Variants in TMEM116 observed in about 807,000 individuals in gnomAD.
The protein encoded by TMEM116 is transmembrane protein 116.
In TMEM116, 38 loss-of-function variants were observed where a neutral mutation model predicts 44.3. The observed-to-expected ratio is 0.86, with a 90% CI of 0.66 to 1.12. The LOEUF is 1.12. Ranked by LOEUF, TMEM116 falls within the 50% of genes most tolerant of loss-of-function variation. The pLI, the probability that TMEM116 is intolerant of heterozygous loss-of-function variation, is 0.00. For synonymous variants in TMEM116, 132 were observed against 144.8 expected (o/e 0.91, Z 0.64); for missense variants, 354 against 401.7 (o/e 0.88, Z 1.01).
intron 4 of TMEM116, among the ~76,000 whole-genome samples, chr12:111,969,244 TGG>T (rs2075176545): frequency 7.1e-6 from 1 of 141,376 alleles, no homozygotes; most frequent in Non-Finnish European, 1.5e-5. Context: ...CGTTTGAACC[TGG>T]GAGGTGGAGG....
At chr12:111,984,962 A>C (rs891184243) in intron 4 of TMEM116, among the ~76,000 whole-genome samples, 6 of 152,128 alleles carry the variant, frequency 3.9e-5, no homozygotes, top group Admixed American at 6.6e-5. Flanking sequence ...AAAACAAAAT[A>C]AAAAAACATA....
At chr12:111,971,414 A>G (rs151099103) in intron 4 of TMEM116, among the ~76,000 whole-genome samples, 1 of 152,268 alleles carries the variant, frequency 6.6e-6, no homozygotes, top group Non-Finnish European at 1.5e-5. Context: ...TTCTTATCCT[A>G]TATGTGAAGT....
intron 4 of TMEM116, among the ~76,000 whole-genome samples, chr12:111,958,429 C>T (rs951789689): frequency 6.6e-6 from 1 of 151,510 alleles, no homozygotes; most frequent in Non-Finnish European, 1.5e-5. Context: ...AAAACCAAAA[C>T]ACCTCTTCTC....
At position 111,933,813 on chromosome 12, in the gene TMEM116, T is replaced by C. The variant is rs1212038752; in HGVS notation, c.733+73A>G. ...GCCCGACCTCAGCCATCCTTCTTAG[T>C]GAGACCACTTTGCTTGATCAGAACC... On this transcript the variant is annotated intron_variant, in intron 9 of 10. Coordinates refer to ENST00000552374, the MANE Select transcript of TMEM116 (RefSeq NM_001193531.2). The C allele has an allele frequency of 3.8e-6, 6 of 1,580,710 alleles. No individual in the cohort carries two copies. The African/African-American group carries it at 8.1e-5, about 21-fold the overall frequency.
chr12:111,951,886 C>A (rs1021277479), intron 4 of TMEM116, among the ~76,000 whole-genome samples: 1 of 152,040 alleles, frequency 6.6e-6, no homozygotes, highest in Non-Finnish European at 1.5e-5. Context: ...CATCCCAATA[C>A]AACTTTTTGT....
In TMEM116 at chr12:111,946,605, C is replaced by T. The variant is rs150479100; in HGVS notation, c.211-3236G>A. 6.0e-3 allele frequency among the ~76,000 whole-genome samples: 911 copies of T among 152,320 alleles called. 11 individuals carry two copies. Among genetic ancestry groups the T allele is most frequent in the African/African-American group, 0.02 (845 of 41,566 alleles). On this transcript the variant is annotated intron_variant, in intron 4 of 10. Coordinates refer to ENST00000552374, the MANE Select transcript of TMEM116 (RefSeq NM_001193531.2). ...CTCATTCCAGTAAACCCACAACCTT[C>T]AGCGTGGGCGTCATGGCCATCACAA...
At chr12:111,957,695 TG>T (rs1012875033) in intron 4 of TMEM116, among the ~76,000 whole-genome samples, 1 of 137,116 alleles carries the variant, frequency 7.3e-6, no homozygotes, top group South Asian at 2.4e-4. Context: ...GTCTGGGAGG[TG>T]GGGGGGCCCC....
intron 5 of TMEM116, among the ~76,000 whole-genome samples, chr12:111,942,810 G>C (rs1212275997): frequency 1.3e-5 from 2 of 152,068 alleles, no homozygotes; most frequent in Non-Finnish European, 2.9e-5. Flanking sequence ...GTGTATGTGT[G>C]TGTGAGAGAG....
intron 4 of TMEM116, among the ~76,000 whole-genome samples, chr12:111,982,301 T>C (rs954271965): frequency 6.9e-6 from 1 of 145,942 alleles, no homozygotes; most frequent in Admixed American, 6.8e-5. Context: ...CATAAATGCA[T>C]ACCTTTTTTT....
intron 4 of TMEM116, among the ~76,000 whole-genome samples, chr12:111,983,793 G>A (rs1338873340): frequency 6.6e-6 from 1 of 151,988 alleles, no homozygotes; most frequent in Non-Finnish European, 1.5e-5. Context: ...ATTCCAAAAA[G>A]TCGAATAGGA....
chr12:111,961,355 T>A (rs936794054), intron 4 of TMEM116, among the ~76,000 whole-genome samples: 4 of 152,146 alleles, frequency 2.6e-5, no homozygotes, highest in Admixed American at 2.6e-4. Context: ...ACCAAAAACC[T>A]GGCAGAGACA....
chr12:111,951,972 G>A (rs1048900017), intron 4 of TMEM116, among the ~76,000 whole-genome samples: 2 of 152,142 alleles, frequency 1.3e-5, no homozygotes, highest in Non-Finnish European at 2.9e-5. Context: ...GCTCATGCCT[G>A]TAATCCCAGC....
At chr12:111,961,617 C>G (rs1406745810) in intron 4 of TMEM116, among the ~76,000 whole-genome samples, 1 of 152,188 alleles carries the variant, frequency 6.6e-6, no homozygotes, top group Non-Finnish European at 1.5e-5. Flanking sequence ...CAAAATTCTA[C>G]ATCCCTTCAT....
chr12:111,977,784 C>A (rs1287330840), intron 4 of TMEM116, among the ~76,000 whole-genome samples: 1 of 151,980 alleles, frequency 6.6e-6, no homozygotes, highest in African/African-American at 2.4e-5. Context: ...ACTAGGAATA[C>A]TCTGTTACAA....
intron 1 of TMEM116, chr12:112,005,767 T>C (rs747825940): frequency 6.9e-5 from 66 of 951,888 alleles, no homozygotes; most frequent in East Asian, 5.8e-4. Context: ...GTGGAAAGAA[T>C]AGGTAACAGA....
chr12:112,004,229 C>A (rs1335051449), intron 2 of TMEM116, among the ~76,000 whole-genome samples: 1 of 151,622 alleles, frequency 6.6e-6, no homozygotes, highest in African/African-American at 2.4e-5. Context: ...GATCTTCCCA[C>A]TTTGGCCTTT....
chr12:111,976,946 T>C (rs1267093247), intron 4 of TMEM116, among the ~76,000 whole-genome samples: 1 of 152,000 alleles, frequency 6.6e-6, no homozygotes, highest in Non-Finnish European at 1.5e-5. Context: ...AGGAACAGAA[T>C]GTCAAAAGGA....
chr12:111,937,081 A>C (rs765362880), intron 7 of TMEM116, 79 bp downstream of exon 7: 4 of 1,358,978 alleles, frequency 2.9e-6, no homozygotes, highest in Non-Finnish European at 4.2e-6. Context: ...AATTATGTGG[A>C]AAGTCTTTTT....
intron 4 of TMEM116, among the ~76,000 whole-genome samples, chr12:111,973,119 T>C (rs1020813285): frequency 2.6e-5 from 4 of 151,630 alleles, no homozygotes; most frequent in Non-Finnish European, 5.9e-5. Flanking sequence ...GTCTGGCCGA[T>C]AGGGTGGGAC....
Sources: gnomAD v4.1 joint callset for allele counts (sites outside exome capture counted in the v4.1 genomes callset) on GRCh38, gnomAD v4.1.1 for gene constraint, MANE v1.5 for transcripts, NCBI Gene and HGNC (gene_info 2026-07-23, HGNC 2026-07-21) for gene names.